The following NPRL3 variants were observed in gnomAD, a reference collection of about 807,000 sequenced individuals.
NPRL3 encodes GATOR1 complex protein NPRL3.
Under a neutral mutation model 57.2 loss-of-function variants are expected in NPRL3, and 23 were observed. The ratio of observed to expected loss-of-function variants is 0.40; its 90% CI spans 0.29 to 0.57. NPRL3 has a LOEUF of 0.57. Among genes scored for constraint, NPRL3 ranks in the 20% least tolerant of loss-of-function variants. The probability of loss-of-function intolerance (pLI) is 0.42; values close to 1 mark genes in which losing one functional copy is unlikely to be tolerated. For missense variants in NPRL3, 691 were observed against 767.1 expected, an observed-to-expected ratio of 0.90 and a Z score of 1.17; for synonymous variants, 333 against 321.1, an observed-to-expected ratio of 1.04 and a Z score of -0.39.
Position 86,636 on chromosome 16 carries a change from G to A in NPRL3, c.*69C>T. 1.4e-6 allele frequency: 2 copies of A among 1,451,446 alleles called. No individual in the cohort carries two copies. The highest frequency in any genetic ancestry group is 1.8e-6 in the Non-Finnish European group (2 of 1,081,362). The allele number at this position is 1,451,446 out of a possible 1,614,324, so 89.9% of individuals were successfully genotyped here. A position where few individuals can be genotyped will look rare whatever the true frequency, so the allele number is the denominator to read the frequency against. On this transcript the variant is annotated 3_prime_UTR_variant, in exon 14 of 14. Transcript: ENST00000611875. The stretch of plus-strand genomic sequence containing the variant: ...AGAGGGCTCAGCCTCAGCACGGGGG[G>A]AGCCCTGGGGTGGGGAGACGCGAGC...
chr16:110,911 C>T (rs1431647659), intron 6 of NPRL3, among the ~76,000 whole-genome samples: 1 of 151,956 alleles, frequency 6.6e-6, no homozygotes, highest in African/African-American at 2.4e-5. Context: ...CACATCCAGC[C>T]AAAAAGTCTT....
chr16:97,685 G>A (rs1436388034), intron 9 of NPRL3, among the ~76,000 whole-genome samples: 1 of 152,092 alleles, frequency 6.6e-6, no homozygotes, highest in Admixed American at 6.5e-5. Flanking sequence ...CAACACATGT[G>A]CACACACAGG....
At chr16:121,888 C>A (rs1315780193) in intron 3 of NPRL3, among the ~76,000 whole-genome samples, 1 of 151,712 alleles carries the variant, frequency 6.6e-6, no homozygotes, top group Non-Finnish European at 1.5e-5. Flanking sequence ...AATTCTCCTG[C>A]CTCAGCCTCC....
chr16:95,166 T>G (rs948024029), intron 9 of NPRL3, among the ~76,000 whole-genome samples: 2 of 151,976 alleles, frequency 1.3e-5, no homozygotes, highest in Non-Finnish European at 1.5e-5. Context: ...CATCTCAAGA[T>G]CTTCTACTTA....
At chr16:102,672 C>T (rs1899349847) in intron 7 of NPRL3, among the ~76,000 whole-genome samples, 1 of 152,222 alleles carries the variant, frequency 6.6e-6, no homozygotes, top group Non-Finnish European at 1.5e-5. Flanking sequence ...AACACACCCA[C>T]ATCCGGCTAA....
At chr16:133,519 T>C (rs7197366) in intron 2 of NPRL3, among the ~76,000 whole-genome samples, 2,168 of 136,710 alleles carry the variant, frequency 0.016, 43 homozygotes, top group African/African-American at 0.055. Flanking sequence ...CATGAGCCAC[T>C]GTGCCTAGCG....
At chr16:89,609 T>TGA in intron 12 of NPRL3, 104 bp downstream of exon 12, 1 of 1,093,378 alleles carries the variant, frequency 9.1e-7, no homozygotes, top group Non-Finnish European at 1.2e-6. Flanking sequence ...TGTGCAGCTG[T>TGA]GTGGAGGCCC....
In NPRL3 at chr16:133,543, TGTTTG is replaced by T. The variant is rs557170737; in HGVS notation, c.119-2957_119-2953del. Reference sequence around the variant, plus strand: ...CTGTGCCTAGCGTTGTTTGTTTGTTTGTTTGTTTTAAGAGTCAGGGTCTCCCTATG... The same window carrying T: ...CTGTGCCTAGCGTTGTTTGTTTGTTTTTTTAAGAGTCAGGGTCTCCCTATG... On this transcript the variant is annotated intron_variant, in intron 2 of 13. Coordinates refer to ENST00000611875, the MANE Select transcript of NPRL3 (RefSeq NM_001077350.3). 3.0e-4 allele frequency among the ~76,000 whole-genome samples: 46 copies of T among 152,258 alleles called. No individual in the cohort carries two copies. In the South Asian group the frequency reaches 7.7e-3, roughly 25 times the overall value.
intron 3 of NPRL3, chr16:126,185 G>C (rs1900505746): frequency 6.6e-6 from 1 of 151,874 alleles, no homozygotes; most frequent in Non-Finnish European, 1.5e-5. Context: ...AATCACCTGA[G>C]GTCAGGGTTC....
intron 5 of NPRL3, among the ~76,000 whole-genome samples, chr16:115,359 T>C (rs12926327): frequency 0.043 from 6,585 of 152,078 alleles, 192 homozygotes; most frequent in African/African-American, 0.08. Flanking sequence ...ATATTTAAAA[T>C]GACAAAAGTA....
chr16:92,916 G>A, intron 10 of NPRL3, 191 bp from the exon 11 acceptor site: 3 of 670,136 alleles, frequency 4.5e-6, no homozygotes, highest in Non-Finnish European at 7.6e-6. Context: ...AGCAGCAGCA[G>A]GAGCCATGGG....
intron 10 of NPRL3, 70 bp from the exon 11 acceptor site, chr16:92,795 G>A (rs1285277996): frequency 6.3e-7 from 1 of 1,582,430 alleles, no homozygotes; most frequent in Non-Finnish European, 8.6e-7. Context: ...TGGCCTCAGT[G>A]GGCAGCAGAG....
At position 85,902 on chromosome 16, in the gene NPRL3, T is replaced by G. The variant is rs1407533336; in HGVS notation, c.*803A>C. 4.4e-6 allele frequency: 5 copies of G among 1,145,146 alleles called. No individual in the cohort carries two copies. The African/African-American group carries it at 7.9e-5, about 18-fold the overall frequency. 70.9% of individuals were successfully genotyped at this position (1,145,146 alleles called of 1,614,324 possible). A position where few individuals can be genotyped will look rare whatever the true frequency, so the allele number is the denominator to read the frequency against. On this transcript the variant is annotated 3_prime_UTR_variant, in exon 14 of 14. Coordinates refer to ENST00000611875, the MANE Select transcript of NPRL3 (RefSeq NM_001077350.3). ...TCAACCCATGTCTGGAGCTAGCTCTTCCTCCAGGACACGAGAGCTGGGGGC... is the reference window on the plus strand; with the variant it reads ...TCAACCCATGTCTGGAGCTAGCTCTGCCTCCAGGACACGAGAGCTGGGGGC...
intron 2 of NPRL3, among the ~76,000 whole-genome samples, chr16:136,131 G>C (rs1901063451): frequency 6.6e-6 from 1 of 152,128 alleles, no homozygotes; most frequent in South Asian, 2.1e-4. Flanking sequence ...AATATTACAA[G>C]AATTCTGCAA....
At chr16:112,214 G>A (rs1457152836) in intron 6 of NPRL3, among the ~76,000 whole-genome samples, 1 of 152,210 alleles carries the variant, frequency 6.6e-6, no homozygotes, top group Non-Finnish European at 1.5e-5. Flanking sequence ...ATGCAGCAGT[G>A]TGTGGGAAGA....
chr16:113,141 T>C (rs970534986), intron 5 of NPRL3, among the ~76,000 whole-genome samples: 2 of 152,150 alleles, frequency 1.3e-5, no homozygotes, highest in Non-Finnish European at 2.9e-5. Flanking sequence ...TAGCGAGCCA[T>C]GTAACAAACT....
At chr16:119,996 C>T (rs1353204948) in intron 3 of NPRL3, among the ~76,000 whole-genome samples, 1 of 152,136 alleles carries the variant, frequency 6.6e-6, no homozygotes, top group East Asian at 1.9e-4. Flanking sequence ...CATCTGTGCC[C>T]TTCTGTCTCC....
At chr16:115,306 T>C (rs1432041311) in intron 5 of NPRL3, among the ~76,000 whole-genome samples, 1 of 151,906 alleles carries the variant, frequency 6.6e-6, no homozygotes, top group Non-Finnish European at 1.5e-5. Flanking sequence ...AAAGAATATA[T>C]ATTTAAAATG....
At chr16:90,144 C>A (rs749079170) in intron 11 of NPRL3, 17 of 492,164 alleles carry the variant, frequency 3.5e-5, no homozygotes, top group Admixed American at 1.3e-4. Flanking sequence ...AGGCTCCCAC[C>A]ACACACCGGG....
Sources: gnomAD v4.1 joint callset for allele counts (sites outside exome capture counted in the v4.1 genomes callset) on GRCh38, gnomAD v4.1.1 for gene constraint, MANE v1.5 for transcripts, NCBI Gene and HGNC (gene_info 2026-07-23, HGNC 2026-07-21) for gene names.